Variants in CADM2 observed in about 807,000 individuals in gnomAD.
CADM2 encodes cell adhesion molecule 2.
In CADM2, 12 loss-of-function variants were observed where a neutral mutation model predicts 49.8. The ratio of observed to expected loss-of-function variants is 0.24; its 90% CI spans 0.15 to 0.39. The LOEUF (loss-of-function observed/expected upper bound fraction) is 0.39, where lower values mean the gene tolerates loss of function less well. CADM2 is among the 10% of genes least tolerant of loss of function. The probability of loss-of-function intolerance (pLI) is 1.00; values close to 1 mark genes in which losing one functional copy is unlikely to be tolerated. For missense variants in CADM2, 378 were observed against 492.3 expected, an observed-to-expected ratio of 0.77 and a Z score of 2.20; for synonymous variants, 214 against 175.4, an observed-to-expected ratio of 1.22 and a Z score of -1.74.
At chr3:84,962,532 A>G (rs2030635451) in intron 1 of CADM2, among the ~76,000 whole-genome samples, 1 of 152,136 alleles carries the variant, frequency 6.6e-6, no homozygotes, top group African/African-American at 2.4e-5. Flanking sequence ...TTGTAAAATG[A>G]AGGCTTTATT....
intron 1 of CADM2, among the ~76,000 whole-genome samples, chr3:85,235,195 A>G (rs1463758231): frequency 1.3e-5 from 2 of 152,128 alleles, no homozygotes; most frequent in Non-Finnish European, 2.9e-5. Context: ...TATTTCATGT[A>G]GATGGTTTTT....
intron 1 of CADM2, among the ~76,000 whole-genome samples, chr3:85,077,919 G>A (rs1320479950): frequency 1.3e-5 from 2 of 151,986 alleles, no homozygotes; most frequent in Admixed American, 6.6e-5. Context: ...TATTGCGTAG[G>A]ATTAAAATTT....
chr3:84,967,295 G>A (rs906912440), intron 1 of CADM2, among the ~76,000 whole-genome samples: 1 of 151,826 alleles, frequency 6.6e-6, no homozygotes, highest in African/African-American at 2.4e-5. Flanking sequence ...AAACATCAAG[G>A]CCTAAAATTT....
intron 1 of CADM2, among the ~76,000 whole-genome samples, chr3:85,489,994 C>T (rs2039605022): frequency 6.6e-6 from 1 of 151,962 alleles, no homozygotes; most frequent in Admixed American, 6.6e-5. Context: ...TACTGAAATC[C>T]TATATAAATT....
chr3:85,916,589 G>C (rs186023656), intron 6 of CADM2, among the ~76,000 whole-genome samples: 1 of 152,084 alleles, frequency 6.6e-6, no homozygotes, highest in Admixed American at 6.6e-5. Flanking sequence ...CATTTGGGTT[G>C]GTTCCAAGTC....
chr3:85,387,861 C>G (rs1469417044), intron 1 of CADM2, among the ~76,000 whole-genome samples: 2 of 152,126 alleles, frequency 1.3e-5, no homozygotes, highest in Non-Finnish European at 2.9e-5. Flanking sequence ...CTATAGCACC[C>G]AAGTTCTATA....
At chr3:85,372,383 GTA>G (rs1352021785) in intron 1 of CADM2, among the ~76,000 whole-genome samples, 245 of 148,446 alleles carry the variant, frequency 1.7e-3, no homozygotes, top group African/African-American at 5.3e-3. Flanking sequence ...ATGTGTGTGT[GTA>G]TATATAGATA....
At chr3:85,367,255 A>C (rs925974586) in intron 1 of CADM2, among the ~76,000 whole-genome samples, 1 of 151,988 alleles carries the variant, frequency 6.6e-6, no homozygotes, top group Non-Finnish European at 1.5e-5. Flanking sequence ...ACCAACACAC[A>C]AGTAAAATGT....
At chr3:85,198,856 T>C (rs1374469515) in intron 1 of CADM2, among the ~76,000 whole-genome samples, 1 of 151,912 alleles carries the variant, frequency 6.6e-6, no homozygotes, top group Non-Finnish European at 1.5e-5. Context: ...ATTAAAGACT[T>C]AGAATACCAA....
chr3:85,376,084 A>T (rs2033579293), intron 1 of CADM2, among the ~76,000 whole-genome samples: 1 of 152,148 alleles, frequency 6.6e-6, no homozygotes, highest in South Asian at 2.1e-4. Flanking sequence ...ACAGATAATA[A>T]AACTAATCAT....
chr3:85,308,875 A>G (rs1233771265), intron 1 of CADM2, among the ~76,000 whole-genome samples: 1 of 152,070 alleles, frequency 6.6e-6, no homozygotes, highest in Non-Finnish European at 1.5e-5. Flanking sequence ...CTTCCTTACT[A>G]CAATAATAGA....
intron 2 of CADM2, among the ~76,000 whole-genome samples, chr3:85,789,962 C>T (rs2071229328): frequency 6.6e-6 from 1 of 152,090 alleles, no homozygotes. Context: ...TTAAGACATG[C>T]TAAAGCAATG....
At chr3:85,366,273 T>A (rs1044031307) in intron 1 of CADM2, among the ~76,000 whole-genome samples, 1 of 152,126 alleles carries the variant, frequency 6.6e-6, no homozygotes, top group African/African-American at 2.4e-5. Flanking sequence ...AACTTTAGGA[T>A]TTTTTAAGTC....
At chr3:85,302,530 T>C in intron 1 of CADM2, among the ~76,000 whole-genome samples, 1 of 152,212 alleles carries the variant, frequency 6.6e-6, no homozygotes, top group East Asian at 1.9e-4. Flanking sequence ...CGTTGAAATG[T>C]CAATATATGT....
intron 1 of CADM2, among the ~76,000 whole-genome samples, chr3:85,480,476 G>A (rs1267078148): frequency 6.6e-6 from 1 of 151,740 alleles, no homozygotes; most frequent in African/African-American, 2.4e-5. Flanking sequence ...CGTGACTCAG[G>A]CGTTAGTAAA....
chr3:86,061,991 G>T (rs962383322), intron 8 of CADM2, among the ~76,000 whole-genome samples: 6 of 149,776 alleles, frequency 4.0e-5, no homozygotes, highest in East Asian at 2.0e-4. Context: ...GATGGTGGGG[G>T]GGGGGTTGAA....
At chr3:85,331,455 G>C (rs1454251081) in intron 1 of CADM2, among the ~76,000 whole-genome samples, 1 of 151,256 alleles carries the variant, frequency 6.6e-6, no homozygotes, top group Non-Finnish European at 1.5e-5. Flanking sequence ...TAGTGTGTTG[G>C]TTTTCTCATG....
At chr3:85,928,075 A>C (rs1720110493) in intron 6 of CADM2, among the ~76,000 whole-genome samples, 1 of 152,166 alleles carries the variant, frequency 6.6e-6, no homozygotes, top group Non-Finnish European at 1.5e-5. Flanking sequence ...ACTTTGATTC[A>C]AATCCTCAGT....
intron 3 of CADM2, among the ~76,000 whole-genome samples, chr3:85,827,002 T>C (rs1179986045): frequency 1.3e-5 from 2 of 152,046 alleles, no homozygotes; most frequent in Middle Eastern, 3.4e-3. Context: ...CCAGAAATTA[T>C]GTAGAAAATT....
Sources: allele counts gnomAD v4.1 joint callset (sites outside exome capture counted in the v4.1 genomes callset), GRCh38; gene constraint gnomAD v4.1.1; transcripts MANE v1.5; gene names NCBI Gene and HGNC (gene_info 2026-07-23, HGNC 2026-07-21).